NCKAP5: variants seen among roughly 807,000 people sequenced by gnomAD.
NCKAP5 encodes nck-associated protein 5.
Under a neutral mutation model 167.0 loss-of-function variants are expected in NCKAP5, and 92 were observed. The observed-to-expected ratio is 0.55, with a 90% CI of 0.47 to 0.66. NCKAP5 has a LOEUF of 0.66. NCKAP5 is among the 30% of genes least tolerant of loss of function. The pLI, the probability that NCKAP5 is intolerant of heterozygous loss-of-function variation, is 0.00. For missense variants in NCKAP5, 2,378 were observed against 2,315.0 expected (o/e 1.03, Z -0.56); for synonymous variants, 891 against 877.4 (o/e 1.02, Z -0.27).
At chr2:133,252,002 A>T (rs1380406110) in intron 4 of NCKAP5, among the ~76,000 whole-genome samples, 2 of 152,174 alleles carry the variant, frequency 1.3e-5, no homozygotes, top group African/African-American at 4.8e-5. Context: ...CTAAAATTTT[A>T]ATTTTTATTT....
chr2:133,573,273 T>A (rs1383770774), upstream of NCKAP5, among the ~76,000 whole-genome samples: 1 of 152,190 alleles, frequency 6.6e-6, no homozygotes, highest in East Asian at 1.9e-4. Context: ...TTTGATGCAT[T>A]TCATGATATT....
At chr2:133,160,423 C>G (rs201499791) in intron 5 of NCKAP5, among the ~76,000 whole-genome samples, 3 of 81,284 alleles carry the variant, frequency 3.7e-5, no homozygotes, top group African/African-American at 1.6e-4. Flanking sequence ...TTTTTTTTTT[C>G]TTTTCCTTTC....
intron 5 of NCKAP5, among the ~76,000 whole-genome samples, chr2:133,137,406 T>TTG (rs58955655): frequency 0.062 from 8,414 of 136,146 alleles, 352 homozygotes; most frequent in African/African-American, 0.12. Flanking sequence ...GAGCTTGGTT[T>TTG]TGTGTGTGTG....
intron 3 of NCKAP5, among the ~76,000 whole-genome samples, chr2:133,411,760 C>A (rs1358990343): frequency 6.6e-6 from 1 of 152,190 alleles, no homozygotes; most frequent in Admixed American, 6.5e-5. Flanking sequence ...CAACAATTCA[C>A]AAGCCCAACA....
chr2:133,132,599 T>C (rs2082646695), intron 5 of NCKAP5, among the ~76,000 whole-genome samples: 1 of 151,340 alleles, frequency 6.6e-6, no homozygotes, highest in Non-Finnish European at 1.5e-5. Context: ...TCCCTTCAAA[T>C]GACGTGTATT....
chr2:133,240,321 AAGT>A (rs2087624184), intron 4 of NCKAP5, among the ~76,000 whole-genome samples: 1 of 152,228 alleles, frequency 6.6e-6, no homozygotes, highest in African/African-American at 2.4e-5. Flanking sequence ...CTGGCTTAAT[AAGT>A]TAGTGACTTA....
chr2:132,876,715 T>G (rs1691311028), intron 9 of NCKAP5, among the ~76,000 whole-genome samples: 1 of 152,226 alleles, frequency 6.6e-6, no homozygotes, highest in Non-Finnish European at 1.5e-5. Flanking sequence ...ATCACCTCTT[T>G]GGCAACAGTT....
At chr2:132,939,783 T>C (rs1005192000) in intron 8 of NCKAP5, among the ~76,000 whole-genome samples, 2 of 152,080 alleles carry the variant, frequency 1.3e-5, no homozygotes, top group Non-Finnish European at 2.9e-5. Flanking sequence ...GTGGATCACT[T>C]GAGGCCAGGA....
At chr2:133,216,138 C>CTTAA (rs2086419698) in intron 4 of NCKAP5, among the ~76,000 whole-genome samples, 1 of 152,038 alleles carries the variant, frequency 6.6e-6, no homozygotes, top group Non-Finnish European at 1.5e-5. Flanking sequence ...GATTGAAAGA[C>CTTAA]TTAATATTAT....
chr2:133,232,976 G>A (rs1434834345), intron 4 of NCKAP5, among the ~76,000 whole-genome samples: 1 of 152,138 alleles, frequency 6.6e-6, no homozygotes, highest in Non-Finnish European at 1.5e-5. Context: ...ATCAGTGAAC[G>A]AGATAAGCAC....
chr2:132,737,602 A>G (rs115612672), intron 16 of NCKAP5, among the ~76,000 whole-genome samples: 1 of 151,970 alleles, frequency 6.6e-6, no homozygotes, highest in Non-Finnish European at 1.5e-5. Flanking sequence ...TCATCTCACT[A>G]ATGAGTGTTA....
At chr2:133,371,732 T>C (rs1574821900) in intron 3 of NCKAP5, among the ~76,000 whole-genome samples, 2 of 152,218 alleles carry the variant, frequency 1.3e-5, no homozygotes, top group African/African-American at 2.4e-5. Context: ...CAATGAAGAA[T>C]GGGAGCCACT....
At chr2:133,105,305 C>T (rs2081646128) in intron 6 of NCKAP5, among the ~76,000 whole-genome samples, 1 of 152,170 alleles carries the variant, frequency 6.6e-6, no homozygotes, top group Admixed American at 6.5e-5. Flanking sequence ...CCTTGATTTG[C>T]TAAGGGACAT....
intron 8 of NCKAP5, among the ~76,000 whole-genome samples, chr2:132,892,272 C>G (rs892151241): frequency 2.0e-5 from 3 of 152,136 alleles, no homozygotes; most frequent in African/African-American, 7.2e-5. Context: ...TTCCAGATGC[C>G]CATTTATCAA....
rs1044801044 is a variant in NCKAP5, at chr2:133,388,181, C to A, written c.70-85071G>T. 5.3e-5 allele frequency among the ~76,000 whole-genome samples: 8 copies of A among 150,848 alleles called. No homozygotes were observed. The South Asian group carries it at 1.7e-3, about 31-fold the overall frequency. On this transcript the variant is annotated intron_variant, in intron 3 of 19. Coordinates refer to ENST00000409261, the MANE Select transcript of NCKAP5 (RefSeq NM_207363.3). ...TCCCCATTTTTGTGGTTTTATCTAC[C>A]TTTGGTCTTTGATGATGGTGACGTA...
chr2:132,908,727 T>A (rs1694199729), intron 8 of NCKAP5, among the ~76,000 whole-genome samples: 2 of 152,238 alleles, frequency 1.3e-5, no homozygotes, highest in Admixed American at 1.3e-4. Context: ...ATTCTGACTG[T>A]GACAAAATCA....
intron 5 of NCKAP5, among the ~76,000 whole-genome samples, chr2:133,199,171 A>G (rs2085564833): frequency 6.6e-6 from 1 of 152,080 alleles, no homozygotes; most frequent in Non-Finnish European, 1.5e-5. Context: ...GAAAACACAA[A>G]ACAATATTTT....
intron 6 of NCKAP5, among the ~76,000 whole-genome samples, chr2:133,004,434 A>C (rs1335618169): frequency 6.6e-6 from 1 of 152,182 alleles, no homozygotes; most frequent in African/African-American, 2.4e-5. Context: ...GAAATTTTAC[A>C]GCTGGGCCTC....
At chr2:133,543,232 C>T (rs1686374039) in intron 2 of NCKAP5, among the ~76,000 whole-genome samples, 1 of 152,108 alleles carries the variant, frequency 6.6e-6, no homozygotes, top group African/African-American at 2.4e-5. Flanking sequence ...TTCACTCTCT[C>T]GCCATGTGAT....
Sources: gnomAD v4.1 joint callset for allele counts (sites outside exome capture counted in the v4.1 genomes callset) on GRCh38, gnomAD v4.1.1 for gene constraint, MANE v1.5 for transcripts, NCBI Gene and HGNC (gene_info 2026-07-23, HGNC 2026-07-21) for gene names.